Variants in MLLT6 observed in about 807,000 individuals in gnomAD.
MLLT6 encodes MLLT6, PHD finger containing.
In MLLT6, 22 loss-of-function variants were observed where a neutral mutation model predicts 103.0. The ratio of observed to expected loss-of-function variants is 0.21; its 90% CI spans 0.15 to 0.31. The LOEUF (loss-of-function observed/expected upper bound fraction) is 0.31, where lower values mean the gene tolerates loss of function less well. Ranked by LOEUF, MLLT6 falls within the 10% of genes least tolerant of loss-of-function variation. MLLT6 has a pLI of 1.00. For synonymous variants in MLLT6, 606 were observed against 623.5 expected, an observed-to-expected ratio of 0.97 and a Z score of 0.42; for missense variants, 1,199 against 1,441.7, an observed-to-expected ratio of 0.83 and a Z score of 2.73.
At chr17:38,717,401 C>T (rs1905402494) in intron 10 of MLLT6, 31 bp from the exon 11 acceptor site, 3 of 1,531,496 alleles carry the variant, frequency 2.0e-6, no homozygotes, top group Non-Finnish European at 1.8e-6. Flanking sequence ...GGAGAGTAAC[C>T]ACGTGCTTCC....
In MLLT6 at chr17:38,711,867, C is replaced by A; in HGVS notation, c.573C>A (p.Ser191Arg). 1 of 1,581,566 alleles carries A rather than the reference C, an allele frequency of 6.3e-7. No homozygotes were observed. The highest frequency in any genetic ancestry group is 8.6e-7 in the Non-Finnish European group (1 of 1,163,950). The change falls in exon 7 of 20, where the codon AGC becomes AGA. Residue 191 changes from serine (S) to arginine (R), a missense_variant. Ser to Arg is a moderately radical substitution (Grantham distance 110). Around this residue, in one of 7 missense-constraint regions of MLLT6, gnomAD observed 1,034 missense variants for 1,091.5 expected, o/e 0.95. Coordinates refer to ENST00000621332, the MANE Select transcript of MLLT6 (RefSeq NM_005937.4). ...CGCAGAAGACATCCCGGCACAGCAG[C>A]GGGGGAGGCGGAGGAGGCGCTGGAG... ...FSKMKTSRHS[S>R]GGGGGGAGGG...
At position 38,709,500 on chromosome 17, in the gene MLLT6, G is replaced by A. The variant is rs780074706; in HGVS notation, c.477G>A (p.Leu159=). 9.9e-6 allele frequency: 16 copies of A among 1,614,232 alleles called. No individual in the cohort carries two copies. Among genetic ancestry groups the A allele is most frequent in the Non-Finnish European group, 1.4e-5 (16 of 1,180,016 alleles). Residue 159 remains leucine (L), a synonymous_variant, in exon 6 of 20, where the codon TTG becomes TTA. Transcript: ENST00000621332. This position sits in a 1 kb window ranked among gnomAD's most constrained non-coding sequence, Gnocchi z 4.3. ...FHVTCAQMAG[L]LCEEEVLEVD... is the part of the protein sequence containing the mutation. The stretch of plus-strand genomic sequence containing the variant: ...TGGTTAGTGCCCAAATGGCAGGCTT[G>A]CTGTGTGAGGAAGAAGTGCTGGAGG...
At chr17:38,705,821 C>G in intron 1 of MLLT6, 80 bp downstream of exon 1, 1 of 479,450 alleles carries the variant, frequency 2.1e-6, no homozygotes, top group Non-Finnish European at 3.2e-6. Context: ...CCTCCGGAGA[C>G]CTCCTGGGGC....
Position 38,707,862 on chromosome 17 carries a change from G to A in MLLT6, c.344G>A (p.Arg115His), listed in dbSNP as rs1417207602. The A allele has an allele frequency of 6.2e-7, 1 of 1,609,880 alleles. No homozygotes were observed. Among genetic ancestry groups the A allele is most frequent in the South Asian group, 1.1e-5 (1 of 90,582 alleles). Residue 115 changes from arginine (R) to histidine (H), a missense_variant, in exon 4 of 20, where the codon CGC becomes CAC. Arg to His is a conservative substitution (Grantham distance 29). Coordinates refer to ENST00000621332, the MANE Select transcript of MLLT6 (RefSeq NM_005937.4). ...GTGCTGCAGTACGTGCCTCATGATC[G>A]CTTCAACAAGGTCAGCGGCCCCCCG... ...PIVLQYVPHD[R>H]FNKTCYICEE...
chr17:38,719,433 C>T (rs1905546852), intron 12 of MLLT6, 84 bp from the exon 13 acceptor site: 5 of 1,211,048 alleles, frequency 4.1e-6, no homozygotes, highest in Non-Finnish European at 6.0e-6. Context: ...GCGGTGAGGT[C>T]CCAATCCCAT....
In MLLT6 at chr17:38,705,464, AGG is replaced by A; in HGVS notation, c.-168_-167del. The A allele has an allele frequency of 2.3e-6, 1 of 432,184 alleles. No homozygotes were observed. Among genetic ancestry groups the A allele is most frequent in the Non-Finnish European group, 4.2e-6 (1 of 239,556 alleles). The allele number at this position is 432,184 out of a possible 1,614,324, so 26.8% of individuals were successfully genotyped here. A position where few individuals can be genotyped will look rare whatever the true frequency, so the allele number is the denominator to read the frequency against. ...AGAGCGAGCGAGGAGGAGGAGGAGGAGGACGCGGAGGAGGAGGAAGGAGGAGG... is the reference window on the plus strand; with the variant it reads ...AGAGCGAGCGAGGAGGAGGAGGAGGAACGCGGAGGAGGAGGAAGGAGGAGG... On this transcript the variant is annotated 5_prime_UTR_variant, in exon 1 of 20. An upstream open reading frame in the 5' UTR gains an earlier in-frame stop. Coordinates refer to ENST00000621332, the MANE Select transcript of MLLT6 (RefSeq NM_005937.4).
At chr17:38,719,644 G>GGACGGAGA in intron 13 of MLLT6, 61 bp downstream of exon 13, 3 of 1,569,608 alleles carry the variant, frequency 1.9e-6, no homozygotes, top group Non-Finnish European at 2.6e-6. Context: ...GAGGGAGGAG[G>GGACGGAGA]GACGGAGAGA....
At chr17:38,720,051 G>A (rs985981239) in intron 14 of MLLT6, among the ~76,000 whole-genome samples, 156 bp downstream of exon 14, 1 of 151,964 alleles carries the variant, frequency 6.6e-6, no homozygotes, top group Non-Finnish European at 1.5e-5. Flanking sequence ...TCCCTGCCAG[G>A]CCACACGACC....
At position 38,725,912 on chromosome 17, in the gene MLLT6, AT is replaced by A; in HGVS notation, c.*315del. The stretch of plus-strand genomic sequence containing the variant: ...GTCCCCCCAGAGAGCAGAGTGGGCC[AT>A]GGCAGAAGTAGGGGGTTGGTTGGAC... On this transcript the variant is annotated 3_prime_UTR_variant, in exon 20 of 20. Coordinates refer to ENST00000621332, the MANE Select transcript of MLLT6 (RefSeq NM_005937.4). 2.5e-6 allele frequency: 1 copy of A among 403,914 alleles called. No individual in the cohort carries two copies. The highest frequency in any genetic ancestry group is 4.1e-5 in the East Asian group (1 of 24,296). The allele number at this position is 403,914 out of a possible 1,614,324, so 25.0% of individuals were successfully genotyped here. A position where few individuals can be genotyped will look rare whatever the true frequency, so the allele number is the denominator to read the frequency against.
At position 38,720,454 on chromosome 17, in the gene MLLT6, A is replaced by G. The variant is rs201204067; in HGVS notation, c.2238A>G (p.Lys746=). The G allele has an allele frequency of 4.6e-5, 75 of 1,612,996 alleles. No individual in the cohort carries two copies. In the East Asian group the frequency reaches 6.5e-4, roughly 14 times the overall value. Reference sequence around the variant, plus strand: ...AGCAGATCCTGAGCCTGACGGCCAAAAAGGAGCGGCTGCAGATTCTCAACG... The same window carrying G: ...AGCAGATCCTGAGCCTGACGGCCAAGAAGGAGCGGCTGCAGATTCTCAACG... ...LQEQILSLTA[K]KERLQILNVQ... Residue 746 remains lysine (K), a synonymous_variant, in exon 15 of 20, where the codon AAA becomes AAG. Coordinates refer to ENST00000621332, the MANE Select transcript of MLLT6 (RefSeq NM_005937.4).
rs1016869118 is a variant in MLLT6 at position 38,725,902 on chromosome 17, A to G, written c.*304A>G. Reference sequence around the variant, plus strand: ...TGTTTTGGAGGTCCCCCCAGAGAGCAGAGTGGGCCATGGCAGAAGTAGGGG... The same window carrying G: ...TGTTTTGGAGGTCCCCCCAGAGAGCGGAGTGGGCCATGGCAGAAGTAGGGG... On this transcript the variant is annotated 3_prime_UTR_variant, in exon 20 of 20. Coordinates refer to ENST00000621332, the MANE Select transcript of MLLT6 (RefSeq NM_005937.4). The G allele has an allele frequency of 1.6e-5, 7 of 425,194 alleles. No individual in the cohort carries two copies. The highest frequency in any genetic ancestry group is 2.9e-5 in the Non-Finnish European group (7 of 241,948). The allele number at this position is 425,194 out of a possible 1,614,324, so 26.3% of individuals were successfully genotyped here. A position where few individuals can be genotyped will look rare whatever the true frequency, so the allele number is the denominator to read the frequency against.
At chr17:38,706,077 G>T (rs765755874) in intron 1 of MLLT6, 93 of 156,788 alleles carry the variant, frequency 5.9e-4, no homozygotes, top group Non-Finnish European at 1.0e-3. Context: ...CCTCCCGCCC[G>T]GTTATTTTGG....
intron 16 of MLLT6, among the ~76,000 whole-genome samples, chr17:38,721,387 G>A (rs1482351734): frequency 6.6e-6 from 1 of 152,206 alleles, no homozygotes; most frequent in Admixed American, 6.5e-5. Context: ...CTATGGAATA[G>A]GTACTACTGT....
In MLLT6 at chr17:38,724,879, T is replaced by C; in HGVS notation, c.3143T>C (p.Val1048Ala). 2 of 1,561,116 alleles carry C rather than the reference T, an allele frequency of 1.3e-6. No individual in the cohort carries two copies. Among genetic ancestry groups the C allele is most frequent in the Non-Finnish European group, 1.7e-6 (2 of 1,152,794 alleles). The change falls in exon 19 of 20, where the codon GTA becomes GCA. Residue 1048 changes from valine (V) to alanine (A), a missense_variant. Around this residue, in one of 7 missense-constraint regions of MLLT6, gnomAD observed 55 missense variants for 93.3 expected, o/e 0.59. Transcript: ENST00000621332. The surrounding 1 kb of genome is among the most constrained non-coding windows in gnomAD (Gnocchi z 5.4). ...GCCGCAGCAGCTGCAGCTGCAGCAGTAGCAGCAGCAGGCGGACCTCCAGTC... is the reference window on the plus strand; with the variant it reads ...GCCGCAGCAGCTGCAGCTGCAGCAGCAGCAGCAGCAGGCGGACCTCCAGTC... ...LMAAAAAAAA[V>A]AAAGGPPVLT...
Position 38,716,481 on chromosome 17 carries a change from C to T in MLLT6, c.1151C>T (p.Ser384Leu). ...GCCCCTTCAGCCCCTCCTTCTCCCT[C>T]AGCTCCCGAGCCCCCCAAGGCTGAC... ...APAPSAPPSP[S>L]APEPPKADLF... The change falls in exon 10 of 20, where the codon TCA becomes TTA. Residue 384 changes from serine to leucine, a missense_variant. Physicochemically the swap from Ser to Leu is moderately radical, Grantham distance 145. This residue lies in a region of MLLT6 where 1,034 missense variants were observed against 1,091.5 expected (regional missense o/e 0.95). Transcript: ENST00000621332. The surrounding 1 kb of genome is among the most constrained non-coding windows in gnomAD (Gnocchi z 5.6). 6.2e-7 allele frequency: 1 copy of T among 1,614,194 alleles called. No homozygotes were observed. Among genetic ancestry groups the T allele is most frequent in the East Asian group, 2.2e-5 (1 of 44,882 alleles).
chr17:38,723,538 A>T (rs982824104), intron 18 of MLLT6, among the ~76,000 whole-genome samples: 2 of 152,190 alleles, frequency 1.3e-5, no homozygotes, highest in Non-Finnish European at 2.9e-5. Context: ...CAACATTTTC[A>T]TATAAAGAAA....
In MLLT6 at chr17:38,705,561, CTCCCTCCCCCCTG is replaced by C; in HGVS notation, c.-71_-59del. 1.8e-6 allele frequency: 1 copy of C among 546,100 alleles called. No homozygotes were observed. Among genetic ancestry groups the C allele is most frequent in the Non-Finnish European group, 3.1e-6 (1 of 318,710 alleles). 33.8% of individuals were successfully genotyped at this position (546,100 alleles called of 1,614,324 possible). On this transcript the variant is annotated 5_prime_UTR_variant, in exon 1 of 20. Coordinates refer to ENST00000621332, the MANE Select transcript of MLLT6 (RefSeq NM_005937.4). ...GAGGAGGCGCGCGGCCCCCCGCTCCCTCCCTCCCCCCTGACCCCCGACCCCCGCCGGCCGGCCC... is the reference window on the plus strand; with the variant it reads ...GAGGAGGCGCGCGGCCCCCCGCTCCCACCCCCGACCCCCGCCGGCCGGCCC...
chr17:38,720,817 C>T (rs532252657), intron 16 of MLLT6, 70 bp downstream of exon 16: 9 of 1,368,358 alleles, frequency 6.6e-6, no homozygotes, highest in African/African-American at 4.3e-5. Context: ...ATCTCTTCCC[C>T]GCAGCTATTG....
Position 38,726,045 on chromosome 17 carries a change from T to C in MLLT6, c.*447T>C, listed in dbSNP as rs1598004943. 4.1e-6 allele frequency: 1 copy of C among 242,058 alleles called. No homozygotes were observed. Among genetic ancestry groups the C allele is most frequent in the East Asian group, 6.0e-5 (1 of 16,732 alleles). 15.0% of individuals were successfully genotyped at this position (242,058 alleles called of 1,614,324 possible). ...TATGGAAGAAGGGCTGGACCCACTT[T>C]ACCTGCAGTTTCTTCCCAGCTCGGG... On this transcript the variant is annotated 3_prime_UTR_variant, in exon 20 of 20. Coordinates refer to ENST00000621332, the MANE Select transcript of MLLT6 (RefSeq NM_005937.4).
Sources: gnomAD v4.1 joint callset for allele counts (sites outside exome capture counted in the v4.1 genomes callset) on GRCh38, gnomAD v4.1.1 for gene constraint, gnomAD v4.1.1 regional missense constraint, Gnocchi (gnomAD v3.1) non-coding constraint, MANE v1.5 for transcripts, NCBI Gene and HGNC (gene_info 2026-07-23, HGNC 2026-07-21) for gene names.